Variants in ZNF98 observed in about 807,000 individuals in gnomAD.
ZNF98 encodes zinc finger protein 739.
A neutral mutation model predicts 12.8 loss-of-function variants in ZNF98; 8 were observed. The ratio of observed to expected loss-of-function variants is 0.63; its 90% CI spans 0.37 to 1.13. The LOEUF (loss-of-function observed/expected upper bound fraction) is 1.13, where lower values mean the gene tolerates loss of function less well. ZNF98 is among the 50% of genes most tolerant of loss of function. The pLI is 0.01. For missense variants in ZNF98, 379 were observed against 666.1 expected (o/e 0.57, Z 4.74); for synonymous variants, 112 against 223.5 (o/e 0.50, Z 4.45).
chr19:22,405,854 G>T (rs920600582), intron 1 of ZNF98, among the ~76,000 whole-genome samples: 1 of 152,122 alleles, frequency 6.6e-6, no homozygotes. Flanking sequence ...GGCTGTGCCA[G>T]ACTACAGCTA....
At chr19:22,414,209 G>A (rs1256570119) in intron 1 of ZNF98, among the ~76,000 whole-genome samples, 3 of 143,000 alleles carry the variant, frequency 2.1e-5, no homozygotes, top group African/African-American at 8.1e-5. Flanking sequence ...ACTCTAGCCT[G>A]GGTGAAGAGC....
At chr19:22,400,908 G>A (rs1351931313) in intron 3 of ZNF98, among the ~76,000 whole-genome samples, 10 of 142,672 alleles carry the variant, frequency 7.0e-5, no homozygotes, top group African/African-American at 1.6e-4. Flanking sequence ...AGCCGAGGCC[G>A]CGCCACTGCA....
chr19:22,421,915 C>T (rs566925784), intron 1 of ZNF98, among the ~76,000 whole-genome samples: 1 of 152,348 alleles, frequency 6.6e-6, no homozygotes, highest in Non-Finnish European at 1.5e-5. Flanking sequence ...CCTGCACAAT[C>T]TGGGAGAGAC....
chr19:22,418,547 A>G (rs114109902), intron 1 of ZNF98, among the ~76,000 whole-genome samples: 5,676 of 152,274 alleles, frequency 0.037, 363 homozygotes, highest in African/African-American at 0.13. Flanking sequence ...CACATAGCCA[A>G]ACAAAGACTG....
chr19:22,416,477 CAACAA>C (rs1023240576), intron 1 of ZNF98, among the ~76,000 whole-genome samples: 2 of 149,998 alleles, frequency 1.3e-5, no homozygotes, highest in Admixed American at 6.6e-5. Flanking sequence ...TCAACAACAA[CAACAA>C]AAAAGTATGG....
chr19:22,399,832 T>C (rs1022441502), intron 3 of ZNF98, among the ~76,000 whole-genome samples: 1 of 152,184 alleles, frequency 6.6e-6, no homozygotes, highest in African/African-American at 2.4e-5. Context: ...AATGCCTTTA[T>C]GAGAGAAACA....
In ZNF98 at chr19:22,391,576, A is replaced by T. The variant is rs770696427; in HGVS notation, c.1659T>A (p.Asn553Lys). The T allele has an allele frequency of 3.2e-5, 51 of 1,603,972 alleles. No individual in the cohort carries two copies. Among genetic ancestry groups the T allele is most frequent in the Non-Finnish European group, 4.1e-5 (48 of 1,174,814 alleles). Residue 553 changes from asparagine (N) to lysine (K), a missense_variant, in exon 4 of 4, where the codon AAT becomes AAA. Coordinates refer to ENST00000357774, the MANE Select transcript of ZNF98 (RefSeq NM_001098626.2). ...AAATCTTTGCAATGTTGTCACAAGC[A>T]TTGTTACAACTTTCAGGTTTGTAGA... The part of the protein sequence containing the change: ...EKLYKPESCN[N>K]ACDNIAKISK...
chr19:22,395,876 G>GAAA (rs56132872), intron 3 of ZNF98, among the ~76,000 whole-genome samples: 2 of 145,718 alleles, frequency 1.4e-5, no homozygotes, highest in African/African-American at 5.1e-5. Context: ...TGAGGGGGGG[G>GAAA]AAAAAAAAAA....
intron 1 of ZNF98, among the ~76,000 whole-genome samples, chr19:22,410,777 G>C (rs796958001): frequency 1.6e-4 from 25 of 152,278 alleles, no homozygotes; most frequent in African/African-American, 6.0e-4. Flanking sequence ...GATTCTGCAG[G>C]TATGGAAAGG....
At chr19:22,407,405 T>C (rs1160880995) in intron 1 of ZNF98, among the ~76,000 whole-genome samples, 1 of 151,464 alleles carries the variant, frequency 6.6e-6, no homozygotes, top group Non-Finnish European at 1.5e-5. Context: ...CACTGATTTT[T>C]TTTTTTTGGA....
rs200269304 is a variant in ZNF98 at position 22,414,589 on chromosome 19, C to A, written c.30+7606G>T. On this transcript the variant is annotated intron_variant, in intron 1 of 3. Transcript: ENST00000357774. ...AGAGAGCCCATAATAATACCACACA[C>A]CTACAACCATCTGGTCTTTGGCAAA... Among the ~76,000 whole-genome samples the A allele has an allele frequency of 6.6e-5, 10 of 152,178 alleles. No homozygotes were observed. In the East Asian group the frequency reaches 1.7e-3, roughly 27 times the overall value.
At position 22,416,037 on chromosome 19, in the gene ZNF98, G is replaced by A. The variant is rs568425275; in HGVS notation, c.30+6158C>T. Among the ~76,000 whole-genome samples, 502 of 149,724 alleles carry A rather than the reference G, an allele frequency of 3.4e-3. 4 individuals carry two copies. The highest frequency in any genetic ancestry group is 0.011 in the African/African-American group (451 of 40,458). ...CAGGTGCCTGTAGTCCCAGCTACTC[G>A]GGAGGCTGAGGCAGGAGAACAGCTT... On this transcript the variant is annotated intron_variant, in intron 1 of 3. Coordinates refer to ENST00000357774, the MANE Select transcript of ZNF98 (RefSeq NM_001098626.2).
At chr19:22,420,292 G>C (rs978104389) in intron 1 of ZNF98, among the ~76,000 whole-genome samples, 1 of 152,208 alleles carries the variant, frequency 6.6e-6, no homozygotes, top group Admixed American at 6.5e-5. Context: ...TTAGGAGACA[G>C]TGCACTATGC....
intron 1 of ZNF98, among the ~76,000 whole-genome samples, chr19:22,412,537 T>C (rs528123634): frequency 2.0e-5 from 3 of 150,818 alleles, no homozygotes; most frequent in South Asian, 4.2e-4. Context: ...AATCAACCCC[T>C]AAGCTAGCAG....
Position 22,391,570 on chromosome 19 carries a change from A to G in ZNF98, c.1665T>C (p.Cys555=). ...LYKPESCNNA[C]DNIAKISKYK... The stretch of plus-strand genomic sequence containing the variant: ...ATTTGGAAATCTTTGCAATGTTGTC[A>G]CAAGCATTGTTACAACTTTCAGGTT... The change falls in exon 4 of 4, where the codon TGT becomes TGC. Residue 555 remains cysteine (C), a synonymous_variant. Coordinates refer to ENST00000357774, the MANE Select transcript of ZNF98 (RefSeq NM_001098626.2). 1.2e-6 allele frequency: 2 copies of G among 1,601,626 alleles called. No individual in the cohort carries two copies. Among genetic ancestry groups the G allele is most frequent in the Non-Finnish European group, 1.7e-6 (2 of 1,173,536 alleles).
chr19:22,399,922 C>T (rs1969437796), intron 3 of ZNF98, among the ~76,000 whole-genome samples: 1 of 152,142 alleles, frequency 6.6e-6, no homozygotes, highest in African/African-American at 2.4e-5. Context: ...AGCAAGAACC[C>T]ATCTCCAAAA....
Position 22,402,857 on chromosome 19 carries a change from A to G in ZNF98, c.185T>C (p.Ile62Thr). The G allele has an allele frequency of 6.3e-7, 1 of 1,590,218 alleles. No individual in the cohort carries two copies. The highest frequency in any genetic ancestry group is 8.5e-7 in the Non-Finnish European group (1 of 1,173,980). The change falls in exon 3 of 4, where the codon ATC (isoleucine) becomes ACC (threonine). Residue 62 changes from isoleucine (I) to threonine (T), a missense_variant. By Grantham distance (89) the Ile-to-Thr change is moderately conservative. Coordinates refer to ENST00000357774, the MANE Select transcript of ZNF98 (RefSeq NM_001098626.2). ...VGIAASKPDL[I>T]TCLEQGKEPW... ...TTCTTTTCCTTGCTCCAGACAGGTG[A>G]TCAGGTCTGGCTTAGAGGCAGCAAT...
At chr19:22,396,196 A>T (rs1387523124) in intron 3 of ZNF98, among the ~76,000 whole-genome samples, 1 of 152,220 alleles carries the variant, frequency 6.6e-6, no homozygotes, top group Non-Finnish European at 1.5e-5. Flanking sequence ...CACAGAAATT[A>T]TAAACATCTG....
At chr19:22,407,200 G>C (rs1252399678) in intron 1 of ZNF98, among the ~76,000 whole-genome samples, 2 of 151,744 alleles carry the variant, frequency 1.3e-5, no homozygotes, top group Non-Finnish European at 2.9e-5. Context: ...GGGATTACAG[G>C]CGCGTGCCAC....
Sources: allele counts gnomAD v4.1 joint callset (sites outside exome capture counted in the v4.1 genomes callset), GRCh38; gene constraint gnomAD v4.1.1; transcripts MANE v1.5; gene names NCBI Gene and HGNC (gene_info 2026-07-23, HGNC 2026-07-21).